Variants in CD2AP observed in about 807,000 individuals in gnomAD.
The protein encoded by CD2AP is CD2-associated protein.
Under a neutral mutation model 85.1 loss-of-function variants are expected in CD2AP, and 46 were observed. The observed-to-expected ratio is 0.54, with a 90% CI of 0.43 to 0.69. The LOEUF is 0.69. Among genes scored for constraint, CD2AP ranks in the 30% least tolerant of loss-of-function variants. The pLI, the probability that CD2AP is intolerant of heterozygous loss-of-function variation, is 0.00. For missense variants in CD2AP, 769 were observed against 729.5 expected, an observed-to-expected ratio of 1.05 and a Z score of -0.62; for synonymous variants, 255 against 252.9, an observed-to-expected ratio of 1.01 and a Z score of -0.08.
chr6:47,501,822 C>T (rs1766005625), intron 1 of CD2AP, among the ~76,000 whole-genome samples: 1 of 152,036 alleles, frequency 6.6e-6, no homozygotes, highest in Non-Finnish European at 1.5e-5. Flanking sequence ...TTATGTGATC[C>T]TATAATCTAA....
chr6:47,577,199 C>T, intron 8 of CD2AP, 96 bp downstream of exon 8: 2 of 729,698 alleles, frequency 2.7e-6, no homozygotes, highest in South Asian at 1.6e-5. Flanking sequence ...TTATATTCAC[C>T]CTGGAATCTA....
At chr6:47,589,147 A>G (rs1388358426) in intron 11 of CD2AP, among the ~76,000 whole-genome samples, 4 of 151,888 alleles carry the variant, frequency 2.6e-5, no homozygotes, top group Non-Finnish European at 1.5e-5. Flanking sequence ...TCTGGAGGAA[A>G]CCATGTGAAT....
Position 47,553,513 on chromosome 6 carries a change from ATTTTTTTTTTTTT to A in CD2AP, c.421-1121_421-1109del, listed in dbSNP as rs148273065. 2.0e-3 allele frequency among the ~76,000 whole-genome samples: 222 copies of A among 110,514 alleles called. 1 individual carries two copies. Among genetic ancestry groups the A allele is most frequent in the South Asian group, 3.3e-3 (11 of 3,374 alleles). 72.5% of individuals were successfully genotyped at this position (110,514 alleles called of 152,430 possible). ...AGGTGTGCACCACCACACCTAGTGAATTTTTTTTTTTTTTTTTTTTTTTTGTATTTTTAGTAGA... is the reference window on the plus strand; with the variant it reads ...AGGTGTGCACCACCACACCTAGTGAATTTTTTTTTTTGTATTTTTAGTAGA... On this transcript the variant is annotated intron_variant, in intron 4 of 17. Coordinates refer to ENST00000359314, the MANE Select transcript of CD2AP (RefSeq NM_012120.3).
intron 1 of CD2AP, among the ~76,000 whole-genome samples, chr6:47,491,537 C>T (rs1490538165): frequency 1.3e-5 from 2 of 151,866 alleles, no homozygotes; most frequent in African/African-American, 2.4e-5. Flanking sequence ...CAGTTAGATG[C>T]CATTGTGATA....
chr6:47,595,680 G>A (rs556773651), intron 11 of CD2AP, among the ~76,000 whole-genome samples, 181 bp from the exon 12 acceptor site: 228 of 151,860 alleles, frequency 1.5e-3, no homozygotes, highest in African/African-American at 5.3e-3. Context: ...AAGTTATTTA[G>A]GATTATTAAA....
At chr6:47,564,934 A>G (rs1241812989) in intron 5 of CD2AP, among the ~76,000 whole-genome samples, 6 of 151,970 alleles carry the variant, frequency 3.9e-5, no homozygotes, top group Non-Finnish European at 8.8e-5. Flanking sequence ...TTCTCCTCAC[A>G]GTCTTTTAAA....
intron 5 of CD2AP, among the ~76,000 whole-genome samples, chr6:47,559,564 A>G (rs1210177753): frequency 6.6e-6 from 1 of 152,132 alleles, no homozygotes; most frequent in Non-Finnish European, 1.5e-5. Flanking sequence ...AAGAAAATTA[A>G]TTTTAGAGAA....
At chr6:47,497,845 G>GT (rs1217878633) in intron 1 of CD2AP, among the ~76,000 whole-genome samples, 1 of 152,190 alleles carries the variant, frequency 6.6e-6, no homozygotes, top group East Asian at 1.9e-4. Flanking sequence ...CAGTTTTACA[G>GT]TTTGTGCCCC....
chr6:47,620,998 GTTTGACTTCCTC>G (rs1769730401), intron 17 of CD2AP, among the ~76,000 whole-genome samples: 1 of 152,316 alleles, frequency 6.6e-6, no homozygotes, highest in South Asian at 2.1e-4. Flanking sequence ...AACAGTGACA[GTTTGACTTCCTC>G]TTTATTGATT....
At position 47,545,820 on chromosome 6, in the gene CD2AP, C is replaced by A. The variant is rs572767908; in HGVS notation, c.420+1114C>A. On this transcript the variant is annotated intron_variant, in intron 4 of 17. Transcript: ENST00000359314. ...CCCTAGGAAAAGAGGGAGAGTACTACGTAAAGGAGCACCCCATGGGACAAA... is the reference window on the plus strand; with the variant it reads ...CCCTAGGAAAAGAGGGAGAGTACTAAGTAAAGGAGCACCCCATGGGACAAA... 3.9e-5 allele frequency among the ~76,000 whole-genome samples: 6 copies of A among 152,206 alleles called. No individual in the cohort carries two copies. The South Asian group carries it at 1.2e-3, about 32-fold the overall frequency.
intron 11 of CD2AP, 26 bp from the exon 12 acceptor site, chr6:47,595,835 A>G: frequency 6.3e-7 from 1 of 1,594,342 alleles, no homozygotes; most frequent in South Asian, 1.1e-5. Context: ...GATTGTTAAT[A>G]ACTTGTGAAA....
chr6:47,546,795 C>G (rs1457322166), intron 4 of CD2AP, among the ~76,000 whole-genome samples: 1 of 152,132 alleles, frequency 6.6e-6, no homozygotes, highest in Non-Finnish European at 1.5e-5. Context: ...ACCAGGTAAC[C>G]TATAAAGGAC....
rs1181680313 is a variant in CD2AP at position 47,580,801 on chromosome 6, GTTTAT to G, written c.1009-58_1009-54del. ...ATAATTTAGATTATTACTAATTAGA[GTTTAT>G]TTTAACTATATTTGATATGAAACTG... On this transcript the variant is annotated intron_variant, in intron 9 of 17. Transcript: ENST00000359314. 42 of 1,104,292 alleles carry G rather than the reference GTTTAT, an allele frequency of 3.8e-5. No homozygotes were observed. In the Admixed American group the frequency reaches 4.1e-4, roughly 11 times the overall value. The allele number at this position is 1,104,292 out of a possible 1,614,324, so 68.4% of individuals were successfully genotyped here.
At chr6:47,589,971 C>G (rs184558708) in intron 11 of CD2AP, among the ~76,000 whole-genome samples, 1 of 152,160 alleles carries the variant, frequency 6.6e-6, no homozygotes, top group East Asian at 1.9e-4. Flanking sequence ...TTTACTATCC[C>G]TACCTTAGCT....
intron 2 of CD2AP, among the ~76,000 whole-genome samples, chr6:47,520,505 G>A (rs930538706): frequency 1.3e-5 from 2 of 152,098 alleles, no homozygotes. Context: ...TATGGCCTCC[G>A]CTGACAGCAG....
chr6:47,536,037 A>G (rs781732674), intron 3 of CD2AP, among the ~76,000 whole-genome samples: 1 of 152,222 alleles, frequency 6.6e-6, no homozygotes, highest in Non-Finnish European at 1.5e-5. Context: ...AAAAATCATT[A>G]TGCAGTTGGT....
chr6:47,572,127 G>C (rs993206823), intron 5 of CD2AP, among the ~76,000 whole-genome samples: 2 of 152,152 alleles, frequency 1.3e-5, no homozygotes, highest in African/African-American at 4.8e-5. Context: ...ATGTCTCTTG[G>C]AAGGCAGAAT....
intron 3 of CD2AP, among the ~76,000 whole-genome samples, chr6:47,540,526 T>G (rs1767187590): frequency 6.6e-6 from 1 of 152,198 alleles, no homozygotes; most frequent in African/African-American, 2.4e-5. Flanking sequence ...TATTTAGATG[T>G]TTTTATCTAA....
intron 13 of CD2AP, 41 bp from the exon 14 acceptor site, chr6:47,606,124 T>C: frequency 4.8e-6 from 5 of 1,037,772 alleles, no homozygotes; most frequent in Non-Finnish European, 7.5e-6. Flanking sequence ...TTTAAAAAGG[T>C]ACAGTTCTCT....
Sources: allele counts gnomAD v4.1 joint callset (sites outside exome capture counted in the v4.1 genomes callset), GRCh38; gene constraint gnomAD v4.1.1; transcripts MANE v1.5; gene names NCBI Gene and HGNC (gene_info 2026-07-23, HGNC 2026-07-21).